INPP4B: variants seen among roughly 807,000 people sequenced by gnomAD.
INPP4B encodes inositol polyphosphate-4-phosphatase type II B.
Under a neutral mutation model 122.5 loss-of-function variants are expected in INPP4B, and 55 were observed. The ratio of observed to expected loss-of-function variants is 0.45; its 90% CI spans 0.36 to 0.56. INPP4B has a LOEUF of 0.56. Among genes scored for constraint, INPP4B ranks in the 20% least tolerant of loss-of-function variants. The pLI is 0.00. For synonymous variants in INPP4B, 403 were observed against 388.7 expected (o/e 1.04, Z -0.43); for missense variants, 1,000 against 1,097.7 (o/e 0.91, Z 1.26).
chr4:142,486,602 G>GT (rs1821226226), intron 2 of INPP4B, among the ~76,000 whole-genome samples: 2 of 152,090 alleles, frequency 1.3e-5, no homozygotes, highest in Admixed American at 1.3e-4. Context: ...AAAATCAGAA[G>GT]TTTTTTATAT....
chr4:142,806,847 G>GAAAGAAAT, intron 1 of INPP4B, among the ~76,000 whole-genome samples: 1 of 149,832 alleles, frequency 6.7e-6, no homozygotes, highest in Non-Finnish European at 1.5e-5. Flanking sequence ...AAGAAAGAAA[G>GAAAGAAAT]AAAGGAGAAG....
intron 2 of INPP4B, among the ~76,000 whole-genome samples, chr4:142,630,144 A>C (rs1747613789): frequency 1.3e-5 from 2 of 152,114 alleles, no homozygotes; most frequent in Admixed American, 6.6e-5. Context: ...GCTTGTCCAA[A>C]GTAGGGTAAA....
At chr4:142,324,954 C>T (rs1347024712) in intron 7 of INPP4B, among the ~76,000 whole-genome samples, 1 of 152,182 alleles carries the variant, frequency 6.6e-6, no homozygotes, top group Non-Finnish European at 1.5e-5. Context: ...CAAGCAGCAG[C>T]TCTCTGTCTA....
chr4:142,212,951 G>A (rs995390000), intron 12 of INPP4B, among the ~76,000 whole-genome samples: 7 of 152,176 alleles, frequency 4.6e-5, no homozygotes, highest in Admixed American at 3.9e-4. Context: ...TCATGCTGGT[G>A]TTTTGGCTGA....
chr4:142,601,574 C>T (rs1030406125), intron 2 of INPP4B, among the ~76,000 whole-genome samples: 5 of 148,584 alleles, frequency 3.4e-5, no homozygotes, highest in African/African-American at 9.9e-5. Flanking sequence ...GCAATAAACT[C>T]CTATGTCAAA....
intron 12 of INPP4B, among the ~76,000 whole-genome samples, chr4:142,219,977 C>G (rs1209790258): frequency 6.6e-6 from 1 of 152,134 alleles, no homozygotes; most frequent in Admixed American, 6.5e-5. Context: ...TTCAATCGTA[C>G]TAGGTATATT....
intron 2 of INPP4B, among the ~76,000 whole-genome samples, chr4:142,715,081 GTCCTC>G (rs1483230623): frequency 6.6e-6 from 1 of 152,154 alleles, no homozygotes; most frequent in Non-Finnish European, 1.5e-5. Flanking sequence ...TTTCATCTCT[GTCCTC>G]TCCCAGAGCT....
At chr4:142,120,880 T>C (rs1796269428) in intron 21 of INPP4B, among the ~76,000 whole-genome samples, 2 of 152,144 alleles carry the variant, frequency 1.3e-5, no homozygotes, top group South Asian at 2.1e-4. Flanking sequence ...TGGATTGTTA[T>C]TTCCAGTTGT....
At chr4:142,529,213 T>C (rs537110441) in intron 2 of INPP4B, among the ~76,000 whole-genome samples, 2 of 152,236 alleles carry the variant, frequency 1.3e-5, no homozygotes, top group South Asian at 4.1e-4. Flanking sequence ...TATGAAAAGT[T>C]TGTTGATATG....
At chr4:142,131,681 C>T (rs1801333197) in intron 18 of INPP4B, among the ~76,000 whole-genome samples, 1 of 152,214 alleles carries the variant, frequency 6.6e-6, no homozygotes, top group African/African-American at 2.4e-5. Flanking sequence ...TACAGCCGAG[C>T]GTGGTGGCTC....
At position 142,300,533 on chromosome 4, in the gene INPP4B, A is replaced by G. The variant is rs1760965376; in HGVS notation, c.503+4925T>C. Among the ~76,000 whole-genome samples the G allele has an allele frequency of 6.6e-5, 10 of 152,290 alleles. No homozygotes were observed. In the South Asian group the frequency reaches 1.9e-3, roughly 28 times the overall value. ...TTGGATCTTACATCTCTAGGCATAAACATTTGACAAAAAATAGGAAATAAA... is the reference window on the plus strand; with the variant it reads ...TTGGATCTTACATCTCTAGGCATAAGCATTTGACAAAAAATAGGAAATAAA... On this transcript the variant is annotated intron_variant, in intron 9 of 25. Transcript: ENST00000262992.
chr4:142,244,937 A>T (rs1727155566), intron 11 of INPP4B, among the ~76,000 whole-genome samples: 1 of 152,184 alleles, frequency 6.6e-6, no homozygotes, highest in African/African-American at 2.4e-5. Flanking sequence ...ATGAGATGGT[A>T]TCTCATTGTG....
At chr4:142,697,241 C>T (rs537244589) in intron 2 of INPP4B, among the ~76,000 whole-genome samples, 42 of 152,130 alleles carry the variant, frequency 2.8e-4, no homozygotes, top group Non-Finnish European at 4.7e-4. Context: ...ATGGGATGAA[C>T]AACCTCTATA....
rs1409759976 is a variant in INPP4B at position 142,736,048 on chromosome 4, C to A, written c.-253-10147G>T. Among the ~76,000 whole-genome samples the A allele has an allele frequency of 2.6e-5, 4 of 151,880 alleles. No individual in the cohort carries two copies. The South Asian group carries it at 8.4e-4, about 32-fold the overall frequency. On this transcript the variant is annotated intron_variant, in intron 1 of 25. Coordinates refer to ENST00000262992, the MANE Select transcript of INPP4B (RefSeq NM_001101669.3). ...TTCTATGTCACACCATTGCCAAAGTCAAATTCTGAGAGTTTAGACCTCTTA... is the reference window on the plus strand; with the variant it reads ...TTCTATGTCACACCATTGCCAAAGTAAAATTCTGAGAGTTTAGACCTCTTA...
chr4:142,104,139 T>C (rs190571191), intron 23 of INPP4B, among the ~76,000 whole-genome samples: 5 of 152,186 alleles, frequency 3.3e-5, no homozygotes, highest in East Asian at 1.9e-4. Flanking sequence ...ATGGGCATTA[T>C]TAGAGAAAGG....
intron 3 of INPP4B, among the ~76,000 whole-genome samples, chr4:142,441,002 G>A (rs1292792090): frequency 4.6e-5 from 7 of 152,256 alleles, no homozygotes; most frequent in Non-Finnish European, 7.4e-5. Context: ...GATGAGAATT[G>A]CTTCCAGAGA....
At chr4:142,199,178 G>T (rs1839662578) in intron 14 of INPP4B, among the ~76,000 whole-genome samples, 1 of 151,948 alleles carries the variant, frequency 6.6e-6, no homozygotes, top group Non-Finnish European at 1.5e-5. Context: ...TTGTAATGTT[G>T]TAGGTGTTCA....
At chr4:142,462,439 T>C (rs1371730351) in intron 3 of INPP4B, among the ~76,000 whole-genome samples, 1 of 152,158 alleles carries the variant, frequency 6.6e-6, no homozygotes, top group African/African-American at 2.4e-5. Flanking sequence ...CATTTCTGCC[T>C]AGGCTAGGCC....
At chr4:142,676,264 T>A (rs913559137) in intron 2 of INPP4B, among the ~76,000 whole-genome samples, 1 of 151,806 alleles carries the variant, frequency 6.6e-6, no homozygotes. Context: ...GAGAATAAAA[T>A]ACCTAGGAAT....
Sources: gnomAD v4.1 joint callset for allele counts (sites outside exome capture counted in the v4.1 genomes callset) on GRCh38, gnomAD v4.1.1 for gene constraint, MANE v1.5 for transcripts, NCBI Gene and HGNC (gene_info 2026-07-23, HGNC 2026-07-21) for gene names.